THOC5: variants seen among roughly 807,000 people sequenced by gnomAD.
THOC5 encodes the protein THO complex subunit 5, also known as Fms-interacting protein.
In THOC5, 43 loss-of-function variants were observed where a neutral mutation model predicts 92.9. That is an observed-to-expected ratio of 0.46 (90% CI 0.36 to 0.60). The LOEUF is 0.60. Among genes scored for constraint, THOC5 ranks in the 20% least tolerant of loss-of-function variants. The probability of loss-of-function intolerance (pLI) is 0.00; values close to 1 mark genes in which losing one functional copy is unlikely to be tolerated. For synonymous variants in THOC5, 296 were observed against 320.1 expected (o/e 0.92, Z 0.80); for missense variants, 659 against 849.4 (o/e 0.78, Z 2.79).
chr22:29,527,947 A>C (rs2063575298), intron 11 of THOC5, 131 bp downstream of exon 11: 1 of 792,768 alleles, frequency 1.3e-6, no homozygotes. Flanking sequence ...ACAATAAGGA[A>C]AAACAAAGCA....
At position 29,512,226 on chromosome 22, in the gene THOC5, T is replaced by G. The variant is rs934027377; in HGVS notation, c.1682-90A>C. ...TCCCCACTGCACCCCTGAGGCTAGC[T>G]CAGATGTCTCCTATTAATCTGAATG... On this transcript the variant is annotated intron_variant, in intron 17 of 19. Transcript: ENST00000490103. 8 of 916,896 alleles carry G rather than the reference T, an allele frequency of 8.7e-6. No homozygotes were observed. In the African/African-American group the frequency reaches 1.3e-4, roughly 15 times the overall value. 56.8% of individuals were successfully genotyped at this position (916,896 alleles called of 1,614,324 possible).
rs370786171 is a variant in THOC5 at position 29,519,997 on chromosome 22, A to G, written c.1374+11T>C. ...GCTCCTCAGCCAACTAGATGAGATC[A>G]GTGTACAGACCTGGGGCTGCTCTTT... On this transcript the variant is annotated intron_variant, in intron 14 of 19. Coordinates refer to ENST00000490103, the MANE Select transcript of THOC5 (RefSeq NM_003678.5). 9.3e-6 allele frequency: 15 copies of G among 1,609,990 alleles called. No homozygotes were observed. The African/African-American group carries it at 1.9e-4, about 20-fold the overall frequency.
At chr22:29,526,042 T>A in intron 11 of THOC5, 96 bp from the exon 12 acceptor site, 1 of 753,352 alleles carries the variant, frequency 1.3e-6, no homozygotes, top group Non-Finnish European at 2.2e-6. Context: ...GGTCAAGTGT[T>A]GAAAAACTAA....
intron 8 of THOC5, chr22:29,531,250 AGGTGG>A (rs1232141474): frequency 2.0e-6 from 2 of 999,650 alleles, no homozygotes; most frequent in Non-Finnish European, 2.4e-6. Context: ...CTGTCTGATG[AGGTGG>A]GGTGGGGTGG....
Position 29,517,057 on chromosome 22 carries a change from G to A in THOC5, c.1653C>T (p.Tyr551=). 1 of 1,614,144 alleles carries A rather than the reference G, an allele frequency of 6.2e-7. No individual in the cohort carries two copies. Among genetic ancestry groups the A allele is most frequent in the Non-Finnish European group, 8.5e-7 (1 of 1,180,034 alleles). The change falls in exon 17 of 20, where the codon TAC becomes TAT. Residue 551 remains tyrosine, a synonymous_variant. Coordinates refer to ENST00000490103, the MANE Select transcript of THOC5 (RefSeq NM_003678.5). Reference sequence around the variant, plus strand: ...TGCCCCTTTCGATGAGCGCCATGTAGTAGAGATTGGTGTCCCCAGCCAGTC... The same window carrying A: ...TGCCCCTTTCGATGAGCGCCATGTAATAGAGATTGGTGTCCCCAGCCAGTC... ...DAGLAGDTNL[Y]YMALIERGTA...
At position 29,508,425 on chromosome 22, in the gene THOC5, G is replaced by T; in HGVS notation, c.*32C>A. The T allele has an allele frequency of 6.2e-7, 1 of 1,610,182 alleles. No homozygotes were observed. Among genetic ancestry groups the T allele is most frequent in the South Asian group, 1.1e-5 (1 of 90,990 alleles). ...GCAGAAGCCCAGTGCTCAGGGTGAGGCCTTGGGGGAAACAACGGTCTGCGC... is the reference window on the plus strand; with the variant it reads ...GCAGAAGCCCAGTGCTCAGGGTGAGTCCTTGGGGGAAACAACGGTCTGCGC... On this transcript the variant is annotated 3_prime_UTR_variant, in exon 20 of 20. Coordinates refer to ENST00000490103, the MANE Select transcript of THOC5 (RefSeq NM_003678.5).
chr22:29,539,739 A>C (rs2063839786), intron 5 of THOC5, among the ~76,000 whole-genome samples: 1 of 152,184 alleles, frequency 6.6e-6, no homozygotes, highest in African/African-American at 2.4e-5. Flanking sequence ...TCAAATTTAC[A>C]AATGTCTCCA....
chr22:29,510,598 C>A (rs1222521873), intron 19 of THOC5, among the ~76,000 whole-genome samples: 1 of 152,012 alleles, frequency 6.6e-6, no homozygotes, highest in Non-Finnish European at 1.5e-5. Context: ...AGAGTAAGAC[C>A]GTGTCTCAAA....
chr22:29,532,960 A>G (rs1386452643), intron 7 of THOC5, among the ~76,000 whole-genome samples: 1 of 152,244 alleles, frequency 6.6e-6, no homozygotes, highest in African/African-American at 2.4e-5. Context: ...CCTGGGCAAG[A>G]GAGCAAGACC....
At chr22:29,528,385 T>C in intron 10 of THOC5, 41 bp downstream of exon 10, 3 of 1,614,092 alleles carry the variant, frequency 1.9e-6, no homozygotes, top group African/African-American at 2.7e-5. Context: ...CCCCAGTGCA[T>C]GCAGCTGCTT....
chr22:29,546,269 G>A (rs1253704097), intron 2 of THOC5, among the ~76,000 whole-genome samples: 3 of 152,170 alleles, frequency 2.0e-5, no homozygotes, highest in Admixed American at 6.5e-5. Context: ...GCCTGTGAGG[G>A]AAGGGGCTGC....
At chr22:29,533,982 C>G (rs895540475) in intron 7 of THOC5, among the ~76,000 whole-genome samples, 5 of 152,072 alleles carry the variant, frequency 3.3e-5, no homozygotes, top group African/African-American at 9.7e-5. Context: ...GAATTTCATT[C>G]CTGGGTATAT....
chr22:29,548,079 A>G (rs1461856319), intron 2 of THOC5, among the ~76,000 whole-genome samples: 1 of 152,200 alleles, frequency 6.6e-6, no homozygotes, highest in East Asian at 1.9e-4. Context: ...TATAATAAGA[A>G]CAGCATGGGA....
rs752051748 is a variant in THOC5 at position 29,525,953 on chromosome 22, G to A, written c.1067-7C>T. 8.1e-6 allele frequency: 13 copies of A among 1,602,360 alleles called. No individual in the cohort carries two copies. The African/African-American group carries it at 9.4e-5, about 12-fold the overall frequency. ...AGGTGAAGCACACTGTCATCTGGAGGGGAGGAAGATGAGAGAATTTATGAG... is the reference window on the plus strand; with the variant it reads ...AGGTGAAGCACACTGTCATCTGGAGAGGAGGAAGATGAGAGAATTTATGAG... On this transcript the variant is annotated splice_polypyrimidine_tract_variant and splice_region_variant and intron_variant, in intron 11 of 19. Coordinates refer to ENST00000490103, the MANE Select transcript of THOC5 (RefSeq NM_003678.5).
In THOC5 at chr22:29,506,220, A is replaced by G. The variant is rs1320139484; in HGVS notation, c.*2237T>C. On this transcript the variant is annotated 3_prime_UTR_variant, in exon 20 of 20. Coordinates refer to ENST00000490103, the MANE Select transcript of THOC5 (RefSeq NM_003678.5). ...GTGGGGTCAAGATACACTTTTTGAC[A>G]AAACTGTCCAAGAATAGTCTATGCC... 1 of 152,202 alleles carries G rather than the reference A, an allele frequency of 6.6e-6. No individual in the cohort carries two copies. The highest frequency in any genetic ancestry group is 1.5e-5 in the Non-Finnish European group (1 of 68,020). The allele number at this position is 152,202 out of a possible 1,614,324, so 9.4% of individuals were successfully genotyped here. A position where few individuals can be genotyped will look rare whatever the true frequency, so the allele number is the denominator to read the frequency against.
chr22:29,513,386 C>T (rs919246474), intron 17 of THOC5, among the ~76,000 whole-genome samples: 2 of 149,618 alleles, frequency 1.3e-5, no homozygotes, highest in African/African-American at 4.9e-5. Flanking sequence ...TGCTTTACCT[C>T]CCCCTGTCCC....
intron 3 of THOC5, among the ~76,000 whole-genome samples, chr22:29,543,971 A>G (rs1362590866): frequency 1.3e-5 from 2 of 152,242 alleles, no homozygotes; most frequent in Non-Finnish European, 2.9e-5. Flanking sequence ...ACTTGTCAGC[A>G]TAAGCACAAA....
chr22:29,549,564 C>T (rs1400566496), intron 1 of THOC5, among the ~76,000 whole-genome samples: 1 of 152,202 alleles, frequency 6.6e-6, no homozygotes, highest in African/African-American at 2.4e-5. Context: ...AACAGTCTTG[C>T]CCAACAATAC....
In THOC5 at chr22:29,517,136, C is replaced by T. The variant is rs2063348726; in HGVS notation, c.1594-20G>A. The T allele has an allele frequency of 6.2e-7, 1 of 1,613,808 alleles. No individual in the cohort carries two copies. The highest frequency in any genetic ancestry group is 1.3e-5 in the African/African-American group (1 of 74,916). On this transcript the variant is annotated intron_variant, in intron 16 of 19. Transcript: ENST00000490103. ...CAGCTCCTAGAAGAGGTACCACAGACAAGAGGTGAACTGCTGGCTCCTCTG... is the reference window on the plus strand; with the variant it reads ...CAGCTCCTAGAAGAGGTACCACAGATAAGAGGTGAACTGCTGGCTCCTCTG...
Sources: gnomAD v4.1 joint callset for allele counts (sites outside exome capture counted in the v4.1 genomes callset) on GRCh38, gnomAD v4.1.1 for gene constraint, MANE v1.5 for transcripts, NCBI Gene and HGNC (gene_info 2026-07-23, HGNC 2026-07-21) for gene names.